Variants in STK38L observed in about 807,000 individuals in gnomAD.
The protein encoded by STK38L is serine/threonine-protein kinase 38-like.
In STK38L, 28 loss-of-function variants were observed where a neutral mutation model predicts 59.7. The ratio of observed to expected loss-of-function variants is 0.47; its 90% CI spans 0.35 to 0.64. The LOEUF (loss-of-function observed/expected upper bound fraction) is 0.64. Among genes scored for constraint, STK38L ranks in the 30% least tolerant of loss-of-function variants. STK38L has a pLI of 0.01. For synonymous variants in STK38L, 162 were observed against 176.8 expected, an observed-to-expected ratio of 0.92 and a Z score of 0.66; for missense variants, 314 against 555.8, an observed-to-expected ratio of 0.56 and a Z score of 4.37.
chr12:27,282,168 C>T (rs542924802), intron 1 of STK38L, among the ~76,000 whole-genome samples: 57 of 152,302 alleles, frequency 3.7e-4, no homozygotes, highest in Middle Eastern at 3.4e-3. Context: ...ACTGTTTCTA[C>T]TTACATTCTC....
intron 1 of STK38L, among the ~76,000 whole-genome samples, chr12:27,255,622 A>G (rs980593605): frequency 6.6e-5 from 10 of 152,206 alleles, no homozygotes; most frequent in Admixed American, 5.2e-4. Flanking sequence ...TAAATATTTA[A>G]GTTCCTTGCC....
Position 27,308,184 on chromosome 12 carries a change from AT to A in STK38L, c.187-151del, listed in dbSNP as rs1944361622. 6.6e-6 allele frequency among the ~76,000 whole-genome samples: 1 copy of A among 152,108 alleles called. No homozygotes were observed. The highest frequency in any genetic ancestry group is 1.5e-5 in the Non-Finnish European group (1 of 68,008). ...AGTAAAGATTTATCAGTTGTTAAAA[AT>A]TTTAGAAAGTTTTCTTTAAATTGTT... On this transcript the variant is annotated intron_variant, in intron 3 of 13. Transcript: ENST00000389032. This position sits in a 1 kb window ranked among gnomAD's most constrained non-coding sequence, Gnocchi z 4.5.
At chr12:27,277,836 G>A (rs1943570811) in intron 1 of STK38L, among the ~76,000 whole-genome samples, 1 of 151,990 alleles carries the variant, frequency 6.6e-6, no homozygotes, top group African/African-American at 2.4e-5. Flanking sequence ...AAAGTCTAGA[G>A]CTGGTAAAAA....
intron 1 of STK38L, among the ~76,000 whole-genome samples, chr12:27,290,100 T>C (rs903380585): frequency 7.9e-5 from 12 of 152,206 alleles, no homozygotes; most frequent in Non-Finnish European, 1.8e-4. Context: ...TTTAAAAATA[T>C]TTTTTACTGA....
intron 2 of STK38L, among the ~76,000 whole-genome samples, chr12:27,299,529 C>G (rs753063842): frequency 6.6e-6 from 1 of 152,038 alleles, no homozygotes; most frequent in Non-Finnish European, 1.5e-5. Context: ...GGATAAATCT[C>G]AACAAAAATT....
intron 1 of STK38L, among the ~76,000 whole-genome samples, chr12:27,271,669 T>C (rs1390526877): frequency 6.6e-6 from 1 of 152,150 alleles, no homozygotes; most frequent in Non-Finnish European, 1.5e-5. Flanking sequence ...CAGCTAACCA[T>C]ATTTGAAATG....
At chr12:27,292,303 AGTCT>A (rs755274048) in intron 1 of STK38L, among the ~76,000 whole-genome samples, 20 of 152,354 alleles carry the variant, frequency 1.3e-4, no homozygotes, top group Admixed American at 5.9e-4. Flanking sequence ...AATTTTTAAA[AGTCT>A]GTCTGTGTCT....
At chr12:27,252,220 C>G (rs1423504817) in intron 1 of STK38L, among the ~76,000 whole-genome samples, 1 of 152,176 alleles carries the variant, frequency 6.6e-6, no homozygotes, top group Non-Finnish European at 1.5e-5. Flanking sequence ...ACCTCGTGAT[C>G]CGCCTGCCTC....
At chr12:27,283,502 T>G (rs1156749962) in intron 1 of STK38L, among the ~76,000 whole-genome samples, 2 of 152,214 alleles carry the variant, frequency 1.3e-5, no homozygotes, top group Non-Finnish European at 2.9e-5. Context: ...ATAAGAACAC[T>G]GACACCCTGA....
intron 1 of STK38L, among the ~76,000 whole-genome samples, chr12:27,279,850 G>A (rs574204038): frequency 6.6e-6 from 1 of 151,824 alleles, no homozygotes; most frequent in Non-Finnish European, 1.5e-5. Context: ...CTCTAAAAAG[G>A]GAAGCTTACA....
chr12:27,248,874 C>T (rs754963435), intron 1 of STK38L, among the ~76,000 whole-genome samples: 6 of 152,192 alleles, frequency 3.9e-5, no homozygotes, highest in Non-Finnish European at 8.8e-5. Context: ...TTGAAACATA[C>T]CTTAAATTAA....
chr12:27,287,062 T>A (rs981292997), intron 1 of STK38L, among the ~76,000 whole-genome samples: 4 of 152,054 alleles, frequency 2.6e-5, no homozygotes, highest in Non-Finnish European at 4.4e-5. Flanking sequence ...GCTTACTTGA[T>A]AAATAGACAT....
chr12:27,284,211 G>A (rs1385154324), intron 1 of STK38L, among the ~76,000 whole-genome samples: 1 of 152,128 alleles, frequency 6.6e-6, no homozygotes, highest in Non-Finnish European at 1.5e-5. Context: ...GGCTATCAGT[G>A]TTCTGATATC....
Position 27,318,039 on chromosome 12 carries a change from G to C in STK38L, c.1079+20G>C. ...TCTCAGGTTAGTGGTTAAATTCCTA[G>C]AGGAGTTCATAGTGTCTTAAAACTT... On this transcript the variant is annotated intron_variant, in intron 11 of 13. Coordinates refer to ENST00000389032, the MANE Select transcript of STK38L (RefSeq NM_015000.4). The C allele has an allele frequency of 6.2e-7, 1 of 1,612,942 alleles. No individual in the cohort carries two copies. Among genetic ancestry groups the C allele is most frequent in the Non-Finnish European group, 8.5e-7 (1 of 1,179,690 alleles).
chr12:27,318,758 G>C (rs1159931897), intron 11 of STK38L, among the ~76,000 whole-genome samples: 1 of 152,184 alleles, frequency 6.6e-6, no homozygotes, highest in Non-Finnish European at 1.5e-5. Context: ...CTGGGAGGCC[G>C]AGTTGGGCAG....
At chr12:27,259,094 C>T (rs1591851563) in intron 1 of STK38L, among the ~76,000 whole-genome samples, 2 of 152,166 alleles carry the variant, frequency 1.3e-5, no homozygotes, top group African/African-American at 2.4e-5. Context: ...TCTTCCTGAA[C>T]CTACACTGAT....
At position 27,308,604 on chromosome 12, in the gene STK38L, C is replaced by T. The variant is rs1054235510; in HGVS notation, c.309+143C>T. 51 of 863,488 alleles carry T rather than the reference C, an allele frequency of 5.9e-5. No homozygotes were observed. Among genetic ancestry groups the T allele is most frequent in the African/African-American group, 1.6e-4 (9 of 54,780 alleles). The allele number at this position is 863,488 out of a possible 1,614,324, so 53.5% of individuals were successfully genotyped here. ...CTTTGGGAGGCCGAGGCGGGTGGAT[C>T]GCCTGAGGTCAGGAGTTCGAGACCA... is the stretch of plus-strand genomic sequence containing the variant. On this transcript the variant is annotated intron_variant, in intron 4 of 13. Transcript: ENST00000389032. This position sits in a 1 kb window ranked among gnomAD's most constrained non-coding sequence, Gnocchi z 4.5.
rs139244161 is a variant in STK38L, at chr12:27,303,733, G to C, written c.186+1545G>C. Among the ~76,000 whole-genome samples the C allele has an allele frequency of 1.0e-3, 157 of 152,164 alleles. 1 individual carries two copies. Among genetic ancestry groups the C allele is most frequent in the African/African-American group, 3.2e-3 (133 of 41,500 alleles). Reference sequence around the variant, plus strand: ...GATCAGAAAATGTTTCATAGAAGAAGTAATAATTGATTTGAATTGTAAAGA... The same window carrying C: ...GATCAGAAAATGTTTCATAGAAGAACTAATAATTGATTTGAATTGTAAAGA... On this transcript the variant is annotated intron_variant, in intron 3 of 13. Coordinates refer to ENST00000389032, the MANE Select transcript of STK38L (RefSeq NM_015000.4).
chr12:27,256,689 T>A (rs1232873214), intron 1 of STK38L, among the ~76,000 whole-genome samples: 1 of 152,256 alleles, frequency 6.6e-6, no homozygotes, highest in Non-Finnish European at 1.5e-5. Context: ...CAGTGCTAAC[T>A]GGAAAGTGTT....
Sources: allele counts gnomAD v4.1 joint callset (sites outside exome capture counted in the v4.1 genomes callset), GRCh38; gene constraint gnomAD v4.1.1; non-coding constraint Gnocchi (gnomAD v3.1); transcripts MANE v1.5; gene names NCBI Gene and HGNC (gene_info 2026-07-23, HGNC 2026-07-21).